The following HINFP variants were observed in gnomAD, a reference collection of about 807,000 sequenced individuals.
The protein encoded by HINFP is MBD2 (methyl-CpG-binding protein)-interacting zinc finger protein.
Under a neutral mutation model 50.1 loss-of-function variants are expected in HINFP, and 20 were observed. The observed-to-expected ratio is 0.40, with a 90% confidence interval of 0.28 to 0.58. HINFP has a LOEUF of 0.58. Among genes scored for constraint, HINFP ranks in the 20% least tolerant of loss-of-function variants. The pLI, the probability that HINFP is intolerant of heterozygous loss-of-function variation, is 0.45. For synonymous variants in HINFP, 247 were observed against 243.7 expected (o/e 1.01, Z -0.13); for missense variants, 505 against 664.1 (o/e 0.76, Z 2.63).
intron 2 of HINFP, among the ~76,000 whole-genome samples, chr11:119,128,865 A>C (rs575540096): frequency 5.3e-4 from 80 of 150,590 alleles, no homozygotes; most frequent in Admixed American, 1.0e-3. Context: ...TGCCCAGCTA[A>C]TTTTTTTTTG....
In HINFP at chr11:119,132,681, C is replaced by T; in HGVS notation, c.775C>T (p.Leu259=). Residue 259 remains leucine, a synonymous_variant, in exon 7 of 10, where the codon CTG becomes TTG. Coordinates refer to ENST00000350777, the MANE Select transcript of HINFP (RefSeq NM_198971.3). ...CTCAGTGAATCACTATAAGTGCCCTCTGTGTGACATGACCTGCCCGCTGCC... is the reference window on the plus strand; with the variant it reads ...CTCAGTGAATCACTATAAGTGCCCTTTGTGTGACATGACCTGCCCGCTGCC... ...RNHVNHYKCP[L]CDMTCPLPSS... is the part of the protein sequence containing the mutation. The T allele has an allele frequency of 1.9e-6, 3 of 1,614,144 alleles. No individual in the cohort carries two copies. Among genetic ancestry groups the T allele is most frequent in the Non-Finnish European group, 1.7e-6 (2 of 1,180,058 alleles).
rs1461919094 is a variant in HINFP, at chr11:119,132,919, G to C, written c.931G>C (p.Ala311Pro). The C allele has an allele frequency of 1.2e-6, 2 of 1,614,242 alleles. No homozygotes were observed. The highest frequency in any genetic ancestry group is 2.2e-5 in the South Asian group (2 of 91,086). ...CCTGGATACCCACAGCGAGGAGCCA[G>C]CCTACAGGTGTGATTTTGAGAACTG... Reference protein sequence around the residue: ...KHLDTHSEEPAYRCDFENCTF... With the variant: ...KHLDTHSEEPPYRCDFENCTF... The change falls in exon 8 of 10, where the codon GCC becomes CCC. Residue 311 changes from alanine (A) to proline (P), a missense_variant. Coordinates refer to ENST00000350777, the MANE Select transcript of HINFP (RefSeq NM_198971.3).
intron 9 of HINFP, 67 bp downstream of exon 9, chr11:119,133,286 A>G (rs1350066877): frequency 2.5e-6 from 4 of 1,595,586 alleles, no homozygotes; most frequent in South Asian, 2.2e-5. Flanking sequence ...CCAGTTTTAA[A>G]AACCTTAATT....
chr11:119,125,278 A>G (rs1254693793), intron 1 of HINFP: 1 of 152,048 alleles, frequency 6.6e-6, no homozygotes, highest in African/African-American at 2.4e-5. Flanking sequence ...ACTTCAGATG[A>G]TCCACCTGTC....
intron 1 of HINFP, chr11:119,125,875 C>T (rs1224583949): frequency 1.3e-5 from 2 of 152,096 alleles, no homozygotes; most frequent in African/African-American, 2.4e-5. Context: ...GAAAGTCTGG[C>T]AGGGGACTTA....
chr11:119,134,088 A>G lies in HINFP; in HGVS notation c.1144A>G (p.Lys382Glu). Residue 382 changes from lysine (K) to glutamate (E), a missense_variant, in exon 10 of 10, where the codon AAG becomes GAG. Lys to Glu is a moderately conservative substitution (Grantham distance 56). Transcript: ENST00000350777. This position sits in a 1 kb window ranked among gnomAD's most constrained non-coding sequence, Gnocchi z 4.3. ...TTTATGCTCCTACCTCACCAGGTACAAGGAACATGAAGATGGCTATATGCG... is the reference window on the plus strand; with the variant it reads ...TTTATGCTCCTACCTCACCAGGTACGAGGAACATGAAGATGGCTATATGCG... ...WPSGHPRFRY[K>E]EHEDGYMRLQ... 6.2e-7 allele frequency: 1 copy of G among 1,614,096 alleles called. No homozygotes were observed. Among genetic ancestry groups the G allele is most frequent in the East Asian group, 2.2e-5 (1 of 44,878 alleles).
intron 2 of HINFP, 179 bp downstream of exon 2, chr11:119,127,304 A>G (rs766306199): frequency 9.2e-5 from 48 of 522,382 alleles, no homozygotes; most frequent in Admixed American, 1.9e-4. Context: ...ACAAGGATAT[A>G]AGGAATAAAT....
intron 1 of HINFP, among the ~76,000 whole-genome samples, chr11:119,122,201 G>T (rs1423145311): frequency 1.3e-5 from 2 of 152,150 alleles, no homozygotes; most frequent in African/African-American, 4.8e-5. Context: ...CCTCAGAGTA[G>T]AAACAAGAGA....
chr11:119,127,156 G>C, intron 2 of HINFP, 31 bp downstream of exon 2: 1 of 1,542,506 alleles, frequency 6.5e-7, no homozygotes. Flanking sequence ...AAGGGGAGGA[G>C]CTCAAGGAAA....
At chr11:119,130,531 G>T (rs926184460) in intron 2 of HINFP, 194 bp from the exon 3 acceptor site, 2 of 583,046 alleles carry the variant, frequency 3.4e-6, no homozygotes, top group Non-Finnish European at 6.1e-6. Context: ...CTTTTTACTT[G>T]TTATAGTCCC....
At chr11:119,129,053 C>G (rs1947591946) in intron 2 of HINFP, among the ~76,000 whole-genome samples, 1 of 151,690 alleles carries the variant, frequency 6.6e-6, no homozygotes, top group Non-Finnish European at 1.5e-5. Context: ...AACTTTTTTT[C>G]AGAGTAAGAT....
chr11:119,121,976 C>G (rs539039969), intron 1 of HINFP: 1 of 152,434 alleles, frequency 6.6e-6, no homozygotes, highest in South Asian at 2.1e-4. Context: ...TTTCGCCTGA[C>G]CGCGGAGGTG....
chr11:119,121,999 G>C (rs1947090210), intron 1 of HINFP: 1 of 152,244 alleles, frequency 6.6e-6, no homozygotes, highest in Non-Finnish European at 1.5e-5. Flanking sequence ...TCTCTGTCCT[G>C]GTCTCCCTCA....
rs1304230786 is a variant in HINFP, at chr11:119,131,009, G to T, written c.411+55G>T. The T allele has an allele frequency of 7.2e-7, 1 of 1,385,398 alleles. No homozygotes were observed. The highest frequency in any genetic ancestry group is 1.0e-6 in the Non-Finnish European group (1 of 971,982). 85.8% of individuals were successfully genotyped at this position (1,385,398 alleles called of 1,614,324 possible). A position where few individuals can be genotyped will look rare whatever the true frequency, so the allele number is the denominator to read the frequency against. On this transcript the variant is annotated intron_variant, in intron 3 of 9. Coordinates refer to ENST00000350777, the MANE Select transcript of HINFP (RefSeq NM_198971.3). This position sits in a 1 kb window ranked among gnomAD's most constrained non-coding sequence, Gnocchi z 4.2. ...GAAGGAAGCTGGGGGTCTTAACTCT[G>T]ATGCCTTGTCCCTTTCAGGGATGCC...
chr11:119,127,780 A>G (rs1226506617), intron 2 of HINFP, among the ~76,000 whole-genome samples: 2 of 151,740 alleles, frequency 1.3e-5, no homozygotes, highest in African/African-American at 4.8e-5. Context: ...GCCTCGAGCA[A>G]TCCTCCTACC....
chr11:119,122,735 C>G (rs1214464464), intron 1 of HINFP, among the ~76,000 whole-genome samples: 1 of 151,950 alleles, frequency 6.6e-6, no homozygotes, highest in East Asian at 1.9e-4. Context: ...GTGTGGATGC[C>G]GTGGGCAAGA....
chr11:119,122,802 A>T (rs1161983418), intron 1 of HINFP, among the ~76,000 whole-genome samples: 3 of 151,906 alleles, frequency 2.0e-5, no homozygotes, highest in African/African-American at 7.3e-5. Flanking sequence ...CAAAGAGAAG[A>T]CTTTGGGGTT....
rs1461793848 is a variant in HINFP at position 119,132,569 on chromosome 11, C to T, written c.750C>T (p.Asn250=). The T allele has an allele frequency of 6.2e-7, 1 of 1,614,064 alleles. No homozygotes were observed. The highest frequency in any genetic ancestry group is 1.3e-5 in the African/African-American group (1 of 74,920). The change falls in exon 6 of 10, where the codon AAC becomes AAT. Residue 250 remains asparagine (N), a synonymous_variant. Transcript: ENST00000350777. The stretch of plus-strand genomic sequence containing the variant: ...GGCTATTGCGGGACCACATGCGCAA[C>T]CATGGTGAGTGGCCTGCGGCCCACA... ...TERLLRDHMR[N]HVNHYKCPLC...
At position 119,131,261 on chromosome 11, in the gene HINFP, A is replaced by G. The variant is rs770144299; in HGVS notation, c.412-274A>G. Reference sequence around the variant, plus strand: ...GTACCACCATGCCCTGCTAACTTCTAAATTTTTTGTAGAGACAAGGTCTGG... The same window carrying G: ...GTACCACCATGCCCTGCTAACTTCTGAATTTTTTGTAGAGACAAGGTCTGG... On this transcript the variant is annotated intron_variant, in intron 3 of 9. Coordinates refer to ENST00000350777, the MANE Select transcript of HINFP (RefSeq NM_198971.3). The surrounding 1 kb of genome is among the most constrained non-coding windows in gnomAD (Gnocchi z 4.2). 1 of 565,292 alleles carries G rather than the reference A, an allele frequency of 1.8e-6. No homozygotes were observed. The highest frequency in any genetic ancestry group is 3.2e-6 in the Non-Finnish European group (1 of 311,986). 35.0% of individuals were successfully genotyped at this position (565,292 alleles called of 1,614,324 possible).
Sources: gnomAD v4.1 joint callset for allele counts (sites outside exome capture counted in the v4.1 genomes callset) on GRCh38, gnomAD v4.1.1 for gene constraint, Gnocchi (gnomAD v3.1) non-coding constraint, MANE v1.5 for transcripts, NCBI Gene and HGNC (gene_info 2026-07-23, HGNC 2026-07-21) for gene names.